The following UNC5C variants were observed in gnomAD, a reference collection of about 807,000 sequenced individuals.
UNC5C encodes the protein netrin receptor UNC5C.
Under a neutral mutation model 99.8 loss-of-function variants are expected in UNC5C, and 47 were observed. The observed-to-expected ratio is 0.47, with a 90% confidence interval of 0.37 to 0.60. The LOEUF (loss-of-function observed/expected upper bound fraction) is 0.60. UNC5C is among the 20% of genes least tolerant of loss of function. UNC5C has a pLI of 0.00. For missense variants in UNC5C, 1,062 were observed against 1,165.9 expected (o/e 0.91, Z 1.30); for synonymous variants, 487 against 452.2 (o/e 1.08, Z -0.98).
At chr4:95,322,196 T>A (rs1363386505) in intron 2 of UNC5C, among the ~76,000 whole-genome samples, 1 of 152,260 alleles carries the variant, frequency 6.6e-6, no homozygotes, top group Non-Finnish European at 1.5e-5. Context: ...GTTCACTCTG[T>A]TAATGAGAAC....
intron 1 of UNC5C, among the ~76,000 whole-genome samples, chr4:95,480,925 A>G (rs1254189986): frequency 6.6e-6 from 1 of 151,530 alleles, no homozygotes; most frequent in East Asian, 1.9e-4. Flanking sequence ...AAAAACTGGA[A>G]GCATTCCCTT....
chr4:95,226,444 T>A (rs1481240117), intron 7 of UNC5C, among the ~76,000 whole-genome samples: 1 of 152,198 alleles, frequency 6.6e-6, no homozygotes, highest in African/African-American at 2.4e-5. Flanking sequence ...AACAATGACA[T>A]TGATATAATT....
In UNC5C at chr4:95,301,638, G is replaced by A; in HGVS notation, c.458C>T (p.Thr153Ile). The A allele has an allele frequency of 6.2e-7, 1 of 1,613,966 alleles. No homozygotes were observed. Among genetic ancestry groups the A allele is most frequent in the Non-Finnish European group, 8.5e-7 (1 of 1,180,016 alleles). The change falls in exon 3 of 16, where the codon ACA (threonine) becomes ATA (isoleucine). Residue 153 changes from threonine (T) to isoleucine (I), a missense_variant. Thr to Ile is a moderately conservative substitution (Grantham distance 89). Transcript: ENST00000453304. ...GCGCACATACGCCTTCCGGCTCTTT[G>A]TGGTACCCGCGGAGCTCCAGGCCAC... ...QCVAWSSAGT[T>I]KSRKAYVRIA...
At chr4:95,430,062 T>C (rs752765583) in intron 1 of UNC5C, among the ~76,000 whole-genome samples, 3 of 152,066 alleles carry the variant, frequency 2.0e-5, no homozygotes, top group Non-Finnish European at 2.9e-5. Flanking sequence ...GAAAATACTT[T>C]GTATGATACT....
At chr4:95,409,532 A>G (rs1745921558) in intron 1 of UNC5C, among the ~76,000 whole-genome samples, 2 of 152,194 alleles carry the variant, frequency 1.3e-5, no homozygotes, top group Non-Finnish European at 2.9e-5. Context: ...ACTTGTGTAA[A>G]AGCTTTCTAT....
At chr4:95,342,469 G>T (rs1485595138) in intron 1 of UNC5C, among the ~76,000 whole-genome samples, 3 of 151,992 alleles carry the variant, frequency 2.0e-5, no homozygotes, top group Non-Finnish European at 4.4e-5. Context: ...TTAATCACCT[G>T]CTGAGTAAAG....
At chr4:95,403,711 TC>T (rs552899263) in intron 1 of UNC5C, among the ~76,000 whole-genome samples, 92 of 152,350 alleles carry the variant, frequency 6.0e-4, no homozygotes, top group African/African-American at 2.2e-3. Flanking sequence ...ACTGCACAGT[TC>T]TTCGGTGCTC....
chr4:95,233,203 A>AT (rs1738979334), intron 7 of UNC5C, among the ~76,000 whole-genome samples: 1 of 152,098 alleles, frequency 6.6e-6, no homozygotes, highest in African/African-American at 2.4e-5. Flanking sequence ...GTGACGTGTA[A>AT]TTTTTTTAAT....
chr4:95,522,786 T>TA (rs1722393692), intron 1 of UNC5C, among the ~76,000 whole-genome samples: 1 of 152,192 alleles, frequency 6.6e-6, no homozygotes, highest in Non-Finnish European at 1.5e-5. Flanking sequence ...AGTGAGTTTT[T>TA]ATCTGTGCTT....
intron 1 of UNC5C, among the ~76,000 whole-genome samples, chr4:95,512,583 G>A (rs1457201990): frequency 2.6e-5 from 4 of 152,080 alleles, no homozygotes; most frequent in Non-Finnish European, 5.9e-5. Context: ...AGTTTCATAT[G>A]AATAACTAAA....
At chr4:95,215,434 A>G (rs17023271) in intron 10 of UNC5C, among the ~76,000 whole-genome samples, 4,886 of 152,290 alleles carry the variant, frequency 0.032, 260 homozygotes, top group African/African-American at 0.11. Flanking sequence ...GAAATACCCA[A>G]TACGATTTGT....
chr4:95,309,510 GAA>G (rs1220658765), intron 2 of UNC5C, among the ~76,000 whole-genome samples: 1 of 151,970 alleles, frequency 6.6e-6, no homozygotes, highest in Non-Finnish European at 1.5e-5. Flanking sequence ...TGGAATGAGA[GAA>G]AACATTTGTA....
At chr4:95,364,561 T>C (rs544058703) in intron 1 of UNC5C, among the ~76,000 whole-genome samples, 1 of 152,280 alleles carries the variant, frequency 6.6e-6, no homozygotes, top group Admixed American at 6.5e-5. Context: ...GTATATGTAA[T>C]TTTACCTGCT....
chr4:95,493,280 G>A (rs1721548677), intron 1 of UNC5C, among the ~76,000 whole-genome samples: 1 of 151,316 alleles, frequency 6.6e-6, no homozygotes, highest in South Asian at 2.1e-4. Flanking sequence ...TTCCAGGCCA[G>A]AAATAAGGAT....
chr4:95,215,214 C>A (rs1738206745), intron 10 of UNC5C, among the ~76,000 whole-genome samples: 1 of 152,178 alleles, frequency 6.6e-6, no homozygotes, highest in Non-Finnish European at 1.5e-5. Context: ...TAATGATAAC[C>A]TAGTTCTGCA....
At position 95,419,482 on chromosome 4, in the gene UNC5C, G is replaced by T. The variant is rs368288839; in HGVS notation, c.125-83851C>A. Among the ~76,000 whole-genome samples the T allele has an allele frequency of 2.8e-4, 42 of 152,038 alleles. 1 individual carries two copies. Among genetic ancestry groups the T allele is most frequent in the Admixed American group, 1.1e-3 (17 of 15,264 alleles). On this transcript the variant is annotated intron_variant, in intron 1 of 15. Transcript: ENST00000453304. The stretch of plus-strand genomic sequence containing the variant: ...TTGATCTTCTGGCTTTTTGAGAAAA[G>T]GTGAACACTGAAAAGAGATTGTGTT...
In UNC5C at chr4:95,219,154, G is replaced by A. The variant is rs755615649; in HGVS notation, c.1460C>T (p.Ala487Val). ...AGAGAGGTCATCTTGGGGGGTGACA[G>A]CACCTGAGGTGTTGTACACTTTGAT... ...LKIKVYNTSGAVTPQDDLSEF... is the reference protein window; with the variant it reads ...LKIKVYNTSGVVTPQDDLSEF... The change falls in exon 9 of 16, where the codon GCT (alanine) becomes GTT (valine). Residue 487 changes from alanine to valine, a missense_variant. Ala to Val is a moderately conservative substitution (Grantham distance 64). Coordinates refer to ENST00000453304, the MANE Select transcript of UNC5C (RefSeq NM_003728.4). The A allele has an allele frequency of 6.2e-6, 10 of 1,614,064 alleles. No individual in the cohort carries two copies. The South Asian group carries it at 1.1e-4, about 18-fold the overall frequency.
chr4:95,468,168 G>A (rs541169168), intron 1 of UNC5C, among the ~76,000 whole-genome samples: 135 of 138,318 alleles, frequency 9.8e-4, no homozygotes, highest in African/African-American at 2.2e-3. Context: ...TAAAACTTTT[G>A]TATAAAGTAC....
intron 7 of UNC5C, among the ~76,000 whole-genome samples, chr4:95,221,448 A>G (rs1738465159): frequency 6.6e-6 from 1 of 152,044 alleles, no homozygotes; most frequent in South Asian, 2.1e-4. Context: ...TGGTGAAATA[A>G]CTCATCATTT....
Sources: gnomAD v4.1 joint callset for allele counts (sites outside exome capture counted in the v4.1 genomes callset) on GRCh38, gnomAD v4.1.1 for gene constraint, MANE v1.5 for transcripts, NCBI Gene and HGNC (gene_info 2026-07-23, HGNC 2026-07-21) for gene names.